CCSER2: variants seen among roughly 807,000 people sequenced by gnomAD.
CCSER2 encodes the protein coiled-coil serine rich protein 2, also known as serine-rich coiled-coil domain-containing protein 2.
Under a neutral mutation model 92.3 loss-of-function variants are expected in CCSER2, and 46 were observed. That is an observed-to-expected ratio of 0.50 (90% CI 0.39 to 0.64). The LOEUF (loss-of-function observed/expected upper bound fraction) is 0.64. Ranked by LOEUF, CCSER2 falls within the 30% of genes least tolerant of loss-of-function variation. The pLI, the probability that CCSER2 is intolerant of heterozygous loss-of-function variation, is 0.00. For missense variants in CCSER2, 1,244 were observed against 1,238.9 expected (o/e 1.00, Z -0.06); for synonymous variants, 433 against 431.4 (o/e 1.00, Z -0.04).
At chr10:84,508,904 T>C (rs1564735774) in intron 9 of CCSER2, among the ~76,000 whole-genome samples, 1 of 152,236 alleles carries the variant, frequency 6.6e-6, no homozygotes, top group Non-Finnish European at 1.5e-5. Flanking sequence ...GGAAGTCCTA[T>C]GCTAAATGTT....
intron 3 of CCSER2, among the ~76,000 whole-genome samples, chr10:84,381,737 G>A (rs1355458247): frequency 1.3e-5 from 2 of 151,914 alleles, no homozygotes; most frequent in East Asian, 3.9e-4. Flanking sequence ...AGACCAGCCT[G>A]ACCAATACAG....
chr10:84,426,745 T>C (rs531313547), intron 5 of CCSER2, among the ~76,000 whole-genome samples: 1 of 152,200 alleles, frequency 6.6e-6, no homozygotes, highest in African/African-American at 2.4e-5. Flanking sequence ...GTTCCTAAAG[T>C]GAGGGAAAAA....
At chr10:84,499,915 C>T (rs1248492394) in intron 9 of CCSER2, 12 of 1,613,898 alleles carry the variant, frequency 7.4e-6, no homozygotes, top group East Asian at 2.2e-5. Context: ...TGGCAGGGCT[C>T]CTTCCAGGGG....
chr10:84,331,993 C>T (rs538992224), intron 1 of CCSER2, among the ~76,000 whole-genome samples: 1 of 152,094 alleles, frequency 6.6e-6, no homozygotes, highest in African/African-American at 2.4e-5. Context: ...TTGCTTCTTC[C>T]CTTTGGGCTA....
At chr10:84,351,284 T>C (rs1844845213) in intron 1 of CCSER2, among the ~76,000 whole-genome samples, 1 of 150,946 alleles carries the variant, frequency 6.6e-6, no homozygotes, top group Non-Finnish European at 1.5e-5. Flanking sequence ...TCTGTCACCC[T>C]GGCTGGAGTG....
chr10:84,372,417 A>G lies in CCSER2; in HGVS notation c.1365A>G (p.Glu455=). The G allele has an allele frequency of 6.3e-7, 1 of 1,589,896 alleles. No homozygotes were observed. The highest frequency in any genetic ancestry group is 8.5e-7 in the Non-Finnish European group (1 of 1,173,692). The change falls in exon 2 of 10, where the codon GAA becomes GAG. Residue 455 remains glutamate, a synonymous_variant. Transcript: ENST00000372088. The part of the protein sequence containing the change: ...PPQDMFDSPK[E]NEKAFSKTDE... ...AGGATATGTTTGATTCCCCCAAGGAAAATGAAAAAGCCTTCAGTAAAACTG... is the reference window on the plus strand; with the variant it reads ...AGGATATGTTTGATTCCCCCAAGGAGAATGAAAAAGCCTTCAGTAAAACTG...
intron 4 of CCSER2, among the ~76,000 whole-genome samples, chr10:84,421,920 C>T (rs1301200522): frequency 2.0e-5 from 3 of 151,976 alleles, no homozygotes; most frequent in African/African-American, 4.8e-5. Flanking sequence ...AGATGGAGGG[C>T]GGGGAGGGTG....
chr10:84,391,455 T>G (rs1164114040), intron 3 of CCSER2: 2 of 1,564,328 alleles, frequency 1.3e-6, no homozygotes, highest in African/African-American at 2.7e-5. Flanking sequence ...TTAGGTGACC[T>G]CACAAAAGCT....
chr10:84,361,891 C>T (rs555195755), intron 1 of CCSER2, among the ~76,000 whole-genome samples: 6 of 152,288 alleles, frequency 3.9e-5, no homozygotes, highest in East Asian at 1.9e-4. Flanking sequence ...CCGCCCACCT[C>T]GGCCTCCCAA....
chr10:84,451,261 T>TTG (rs1171829544), intron 6 of CCSER2, among the ~76,000 whole-genome samples: 40 of 149,850 alleles, frequency 2.7e-4, no homozygotes, highest in Non-Finnish European at 5.3e-4. Context: ...TGGGTTTTTT[T>TTG]TTTTTGTTTT....
At chr10:84,506,732 C>T (rs1026400420) in intron 9 of CCSER2, among the ~76,000 whole-genome samples, 1 of 151,868 alleles carries the variant, frequency 6.6e-6, no homozygotes, top group African/African-American at 2.4e-5. Context: ...GAGGTGGAGG[C>T]TGCATTGAGC....
chr10:84,456,856 A>T lies in CCSER2; in HGVS notation c.2065-7077A>T, dbSNP rs570308135. The stretch of plus-strand genomic sequence containing the variant: ...TTAATGATATTGAGCATATTTTCAT[A>T]TGACTGTTTGCCATTTATATGTCTT... On this transcript the variant is annotated intron_variant, in intron 6 of 9. Coordinates refer to ENST00000372088, the MANE Select transcript of CCSER2 (RefSeq NM_001284240.2). Among the ~76,000 whole-genome samples, 8 of 126,962 alleles carry T rather than the reference A, an allele frequency of 6.3e-5. No homozygotes were observed. The East Asian group carries it at 2.1e-3, about 34-fold the overall frequency. 83.3% of individuals were successfully genotyped at this position (126,962 alleles called of 152,430 possible).
At chr10:84,510,483 C>T (rs12218068) in intron 9 of CCSER2, among the ~76,000 whole-genome samples, 12 of 152,154 alleles carry the variant, frequency 7.9e-5, no homozygotes, top group African/African-American at 2.7e-4. Context: ...TTTCTCACTC[C>T]TAGTACAGTA....
chr10:84,504,065 A>G (rs929601153), intron 9 of CCSER2, among the ~76,000 whole-genome samples: 3 of 152,202 alleles, frequency 2.0e-5, no homozygotes, highest in Non-Finnish European at 2.9e-5. Context: ...TAAAATTCTG[A>G]TAAAAGATTC....
Position 84,373,759 on chromosome 10 carries a change from C to G in CCSER2, c.1558C>G (p.Pro520Ala). ...TYMWDEEGLE[P>A]IGNVHPVGSY... ...CATGTGGGATGAAGAAGGCTTGGAA[C>G]CCATTGGAAATGTCCATCCAGTTGG... is the stretch of plus-strand genomic sequence containing the variant. The change falls in exon 3 of 10, where the codon CCC becomes GCC. Residue 520 changes from proline to alanine, a missense_variant. Pro to Ala is a conservative substitution (Grantham distance 27). Transcript: ENST00000372088. The G allele has an allele frequency of 1.2e-6, 2 of 1,613,730 alleles. No homozygotes were observed. The highest frequency in any genetic ancestry group is 1.7e-6 in the Non-Finnish European group (2 of 1,179,736).
intron 6 of CCSER2, among the ~76,000 whole-genome samples, chr10:84,453,642 T>G (rs959723818): frequency 6.6e-6 from 1 of 152,204 alleles, no homozygotes; most frequent in Non-Finnish European, 1.5e-5. Context: ...CTTACTAAAT[T>G]TTTGCCTTTG....
chr10:84,481,263 T>C (rs1395164998), intron 9 of CCSER2, among the ~76,000 whole-genome samples: 1 of 152,202 alleles, frequency 6.6e-6, no homozygotes, highest in Non-Finnish European at 1.5e-5. Flanking sequence ...ATTCCTGTTA[T>C]GTAATGTTTT....
At chr10:84,502,219 C>T (rs1408753657) in intron 9 of CCSER2, among the ~76,000 whole-genome samples, 3 of 151,810 alleles carry the variant, frequency 2.0e-5, no homozygotes, top group African/African-American at 7.3e-5. Context: ...TTTTCCTATA[C>T]TAAACTTGTA....
chr10:84,428,152 G>A (rs1843541040), intron 5 of CCSER2, among the ~76,000 whole-genome samples: 1 of 152,110 alleles, frequency 6.6e-6, no homozygotes, highest in Non-Finnish European at 1.5e-5. Context: ...AGTCCTGTAG[G>A]ACAGTGGTCT....
Sources: allele counts gnomAD v4.1 joint callset (sites outside exome capture counted in the v4.1 genomes callset), GRCh38; gene constraint gnomAD v4.1.1; transcripts MANE v1.5; gene names NCBI Gene and HGNC (gene_info 2026-07-23, HGNC 2026-07-21).